ZMYND11: variants seen among roughly 807,000 people sequenced by gnomAD.
ZMYND11 encodes the protein zinc finger MYND domain-containing protein 11.
A neutral mutation model predicts 84.9 loss-of-function variants in ZMYND11; 9 were observed. The observed-to-expected ratio is 0.11, with a 90% CI of 0.06 to 0.18. ZMYND11 has a LOEUF of 0.18. Ranked by LOEUF, ZMYND11 falls within the 10% of genes least tolerant of loss-of-function variation. The pLI, the probability that ZMYND11 is intolerant of heterozygous loss-of-function variation, is 1.00. For missense variants in ZMYND11, 409 were observed against 761.0 expected (o/e 0.54, Z 5.44); for synonymous variants, 250 against 244.1 (o/e 1.02, Z -0.23).
chr10:139,048 C>T (rs1186479580), intron 1 of ZMYND11, among the ~76,000 whole-genome samples: 1 of 151,936 alleles, frequency 6.6e-6, no homozygotes, highest in Non-Finnish European at 1.5e-5. Context: ...TCAAATGATC[C>T]GCCTGCCTTG....
Position 240,128 on chromosome 10 carries a change from A to G in ZMYND11, c.753+17A>G. On this transcript the variant is annotated intron_variant, in intron 8 of 14. Coordinates refer to ENST00000381604, the MANE Select transcript of ZMYND11 (RefSeq NM_001370100.5). ...TGTCATGAGGTACTATTCATTGCCC[A>G]ATAGTTATACTCTTTCTATAACTGA... 1.3e-6 allele frequency: 2 copies of G among 1,581,338 alleles called. No homozygotes were observed. The highest frequency in any genetic ancestry group is 1.7e-6 in the Non-Finnish European group (2 of 1,158,220).
chr10:167,484 T>A (rs1045580086), intron 1 of ZMYND11, among the ~76,000 whole-genome samples: 11 of 152,176 alleles, frequency 7.2e-5, no homozygotes, highest in Non-Finnish European at 1.6e-4. Flanking sequence ...AATTAAAAAA[T>A]TTTTTAAAAG....
At chr10:170,431 CGTGTGTGTGTGTGTGT>C (rs147441773) in intron 1 of ZMYND11, among the ~76,000 whole-genome samples, 1 of 147,712 alleles carries the variant, frequency 6.8e-6, no homozygotes, top group African/African-American at 2.5e-5. Context: ...ATTATGTGTG[CGTGTGTGTGTGTGTGT>C]GTGTGTGTGC....
In ZMYND11 at chr10:252,231, C is replaced by G; in HGVS notation, c.1687-117C>G. 7.7e-7 allele frequency: 1 copy of G among 1,298,694 alleles called. No homozygotes were observed. The highest frequency in any genetic ancestry group is 1.1e-6 in the Non-Finnish European group (1 of 941,458). The allele number at this position is 1,298,694 out of a possible 1,614,324, so 80.4% of individuals were successfully genotyped here. ...GTGCATAAAACGTATTCAGATTCCA[C>G]AAAAGGTTGAGCCAGAAAGATCTTT... is the stretch of plus-strand genomic sequence containing the variant. On this transcript the variant is annotated intron_variant, in intron 14 of 14. Transcript: ENST00000381604. This position sits in a 1 kb window ranked among gnomAD's most constrained non-coding sequence, Gnocchi z 4.6.
chr10:176,500 G>T (rs1554766992), intron 1 of ZMYND11, among the ~76,000 whole-genome samples: 1 of 152,062 alleles, frequency 6.6e-6, no homozygotes, highest in African/African-American at 2.4e-5. Context: ...CTGAAAAAAA[G>T]TGAATTTAAT....
rs937725191 is a variant in ZMYND11, at chr10:252,223, A to G, written c.1687-125A>G. On this transcript the variant is annotated intron_variant, in intron 14 of 14. Coordinates refer to ENST00000381604, the MANE Select transcript of ZMYND11 (RefSeq NM_001370100.5). This position sits in a 1 kb window ranked among gnomAD's most constrained non-coding sequence, Gnocchi z 4.6. ...CATCTGCTGTGCATAAAACGTATTC[A>G]GATTCCACAAAAGGTTGAGCCAGAA... is the stretch of plus-strand genomic sequence containing the variant. The G allele has an allele frequency of 1.8e-5, 22 of 1,205,040 alleles. No individual in the cohort carries two copies. The highest frequency in any genetic ancestry group is 1.3e-4 in the Admixed American group (6 of 47,202). The allele number at this position is 1,205,040 out of a possible 1,614,324, so 74.6% of individuals were successfully genotyped here.
At chr10:186,124 C>T (rs1457769372) in intron 2 of ZMYND11, among the ~76,000 whole-genome samples, 3 of 151,654 alleles carry the variant, frequency 2.0e-5, no homozygotes, top group Admixed American at 2.0e-4. Context: ...ATTCTCCTGC[C>T]TCAGCCTCCA....
chr10:240,852 T>C (rs1950777942), intron 8 of ZMYND11, 41 bp from the exon 9 acceptor site: 1 of 1,389,858 alleles, frequency 7.2e-7, no homozygotes, highest in East Asian at 2.3e-5. Context: ...AATGTGTATG[T>C]ATATTTTATG....
Position 215,063 on chromosome 10 carries a change from G to A in ZMYND11, c.276+5015G>A, listed in dbSNP as rs906754539. On this transcript the variant is annotated intron_variant, in intron 3 of 14. Transcript: ENST00000381604. ...AAATAATGTCGTTTGCAATTGAGGC[G>A]GTTAGTGTTAATTTGGTGACTTCCA... Among the ~76,000 whole-genome samples, 5 of 152,266 alleles carry A rather than the reference G, an allele frequency of 3.3e-5. No individual in the cohort carries two copies. In the East Asian group the frequency reaches 5.8e-4, roughly 18 times the overall value.
intron 14 of ZMYND11, among the ~76,000 whole-genome samples, chr10:250,768 T>G (rs968120942): frequency 2.0e-5 from 3 of 152,160 alleles, no homozygotes; most frequent in Non-Finnish European, 4.4e-5. Flanking sequence ...CCAGGCTCGG[T>G]GCTCACACCT....
chr10:244,462 T>G (rs1487275193), intron 10 of ZMYND11: 1 of 152,250 alleles, frequency 6.6e-6, no homozygotes, highest in South Asian at 2.1e-4. Flanking sequence ...ATGTGAGAGC[T>G]GCTTTAGTGA....
intron 1 of ZMYND11, among the ~76,000 whole-genome samples, chr10:160,715 C>G (rs1460305927): frequency 6.6e-6 from 1 of 152,148 alleles, no homozygotes; most frequent in Non-Finnish European, 1.5e-5. Context: ...GGTTCCATCT[C>G]AAGAAACTAC....
rs1010881134 is a variant in ZMYND11, at chr10:178,838, A to G, written c.-19-1156A>G. Reference sequence around the variant, plus strand: ...ACTGACCCAGTTTTCTCAGGTTTTGATAGCAACTATATAGTTTATTTGTGT... The same window carrying G: ...ACTGACCCAGTTTTCTCAGGTTTTGGTAGCAACTATATAGTTTATTTGTGT... On this transcript the variant is annotated intron_variant, in intron 1 of 14. Transcript: ENST00000381604. Among the ~76,000 whole-genome samples, 8 of 152,258 alleles carry G rather than the reference A, an allele frequency of 5.3e-5. No homozygotes were observed. The South Asian group carries it at 8.3e-4, about 16-fold the overall frequency.
chr10:140,423 T>A (rs1229319373), intron 1 of ZMYND11, among the ~76,000 whole-genome samples: 1 of 152,238 alleles, frequency 6.6e-6, no homozygotes, highest in African/African-American at 2.4e-5. Context: ...GTTTGTATCA[T>A]GGAAATGCTA....
At chr10:220,388 A>G (rs1447294512) in intron 3 of ZMYND11, among the ~76,000 whole-genome samples, 2 of 152,212 alleles carry the variant, frequency 1.3e-5, no homozygotes. Flanking sequence ...AATGAATTCT[A>G]AATTAAGAGA....
chr10:238,659 A>G (rs1950391071), intron 6 of ZMYND11, among the ~76,000 whole-genome samples: 1 of 152,204 alleles, frequency 6.6e-6, no homozygotes, highest in African/African-American at 2.4e-5. Flanking sequence ...CCCGGCCACA[A>G]GTTTCTTTAG....
chr10:233,665 A>C (rs1589148144), intron 4 of ZMYND11, among the ~76,000 whole-genome samples: 1 of 152,142 alleles, frequency 6.6e-6, no homozygotes, highest in South Asian at 2.1e-4. Context: ...TGCTTTACTC[A>C]CTCATTTTTC....
intron 4 of ZMYND11, among the ~76,000 whole-genome samples, chr10:227,247 C>T (rs1255205716): frequency 1.3e-5 from 2 of 152,170 alleles, no homozygotes; most frequent in Admixed American, 6.5e-5. Flanking sequence ...GGTTCTTCCA[C>T]GTTAGTAGGA....
chr10:201,220 A>C (rs1011837679), intron 2 of ZMYND11, among the ~76,000 whole-genome samples: 15 of 152,162 alleles, frequency 9.9e-5, no homozygotes, highest in Admixed American at 9.2e-4. Context: ...ATTACCTAGA[A>C]TACACTTAAA....
Sources: gnomAD v4.1 joint callset for allele counts (sites outside exome capture counted in the v4.1 genomes callset) on GRCh38, gnomAD v4.1.1 for gene constraint, Gnocchi (gnomAD v3.1) non-coding constraint, MANE v1.5 for transcripts, NCBI Gene and HGNC (gene_info 2026-07-23, HGNC 2026-07-21) for gene names.